FGF2: variants seen among roughly 807,000 people sequenced by gnomAD.
FGF2 encodes the protein basic fibroblast growth factor bFGF.
FGF2 carries 13 observed loss-of-function variants against 15.9 expected under a neutral mutation model. The observed-to-expected ratio is 0.82, with a 90% CI of 0.53 to 1.30. FGF2 has a LOEUF of 1.30. Ranked by LOEUF, FGF2 falls within the 50% of genes most tolerant of loss-of-function variation. The probability of loss-of-function intolerance (pLI) is 0.00; values close to 1 mark genes in which losing one functional copy is unlikely to be tolerated. For synonymous variants in FGF2, 90 were observed against 78.4 expected, an observed-to-expected ratio of 1.15 and a Z score of -0.78; for missense variants, 163 against 196.9, an observed-to-expected ratio of 0.83 and a Z score of 1.03.
rs971704996 is a variant in FGF2 at position 122,895,829 on chromosome 4, A to G, written c.*3433A>G. ...GGGTTTACTGTTTGAGCCAATATAA[A>G]TGTTTAACTGTTTGTGATGGCAGTA... On this transcript the variant is annotated 3_prime_UTR_variant, in exon 3 of 3. Coordinates refer to ENST00000644866, the MANE Select transcript of FGF2 (RefSeq NM_001361665.2). The G allele has an allele frequency of 2.6e-5, 4 of 152,218 alleles. No homozygotes were observed. Among genetic ancestry groups the G allele is most frequent in the African/African-American group, 2.4e-5 (1 of 41,458 alleles). 9.4% of individuals were successfully genotyped at this position (152,218 alleles called of 1,614,324 possible).
At chr4:122,838,321 C>G (rs1472175428) in intron 1 of FGF2, among the ~76,000 whole-genome samples, 1 of 152,174 alleles carries the variant, frequency 6.6e-6, no homozygotes, top group African/African-American at 2.4e-5. Flanking sequence ...TACCACTGCA[C>G]TATGTTCCTA....
At chr4:122,882,978 T>TA (rs1726990043) in intron 2 of FGF2, 2 of 152,230 alleles carry the variant, frequency 1.3e-5, no homozygotes, top group African/African-American at 4.8e-5. Flanking sequence ...CCATAGACAT[T>TA]AAACTGTCAA....
intron 2 of FGF2, among the ~76,000 whole-genome samples, chr4:122,881,505 C>T (rs1229177212): frequency 6.6e-6 from 1 of 152,204 alleles, no homozygotes; most frequent in Non-Finnish European, 1.5e-5. Flanking sequence ...CAAAGTTCCA[C>T]AAATCTCTAG....
intron 1 of FGF2, among the ~76,000 whole-genome samples, chr4:122,839,495 A>T (rs1372629004): frequency 6.6e-6 from 1 of 152,242 alleles, no homozygotes; most frequent in Admixed American, 6.5e-5. Context: ...ACCAAGATAG[A>T]TAAAGAGATA....
chr4:122,894,578 C>G lies in FGF2; in HGVS notation c.*2182C>G, dbSNP rs1488910067. 6.6e-6 allele frequency: 1 copy of G among 152,012 alleles called. No homozygotes were observed. Among genetic ancestry groups the G allele is most frequent in the Admixed American group, 6.5e-5 (1 of 15,272 alleles). 9.4% of individuals were successfully genotyped at this position (152,012 alleles called of 1,614,324 possible). Reference sequence around the variant, plus strand: ...GTCCAGCCTAGGCAACAGAGTGAGACTTTGTCTCAAAAAAAGAGAAATTTT... The same window carrying G: ...GTCCAGCCTAGGCAACAGAGTGAGAGTTTGTCTCAAAAAAAGAGAAATTTT... On this transcript the variant is annotated 3_prime_UTR_variant, in exon 3 of 3. Transcript: ENST00000644866.
At chr4:122,872,847 G>A (rs1375239688) in intron 1 of FGF2, among the ~76,000 whole-genome samples, 1 of 152,088 alleles carries the variant, frequency 6.6e-6, no homozygotes. Flanking sequence ...TCACCACCAG[G>A]CCTGCCTTAC....
chr4:122,855,735 C>G (rs1235290636), intron 1 of FGF2, among the ~76,000 whole-genome samples: 2 of 152,146 alleles, frequency 1.3e-5, no homozygotes, highest in African/African-American at 4.8e-5. Flanking sequence ...TGTCAGGTGA[C>G]CAAATGTTCT....
At chr4:122,875,209 G>T (rs996106783) in intron 1 of FGF2, among the ~76,000 whole-genome samples, 1 of 151,736 alleles carries the variant, frequency 6.6e-6, no homozygotes, top group African/African-American at 2.4e-5. Context: ...AATTAATTAG[G>T]TAATTATTTG....
chr4:122,897,412 C>T lies in FGF2; in HGVS notation c.*5016C>T, dbSNP rs995659823. On this transcript the variant is annotated 3_prime_UTR_variant, in exon 3 of 3. Coordinates refer to ENST00000644866, the MANE Select transcript of FGF2 (RefSeq NM_001361665.2). ...TAAACAGAAGAATAGGTGGTATGTT[C>T]CTAATGATATTATTTCTACTAATGG... 1 of 567,848 alleles carries T rather than the reference C, an allele frequency of 1.8e-6. No individual in the cohort carries two copies. The highest frequency in any genetic ancestry group is 1.9e-5 in the African/African-American group (1 of 52,884). The allele number at this position is 567,848 out of a possible 1,614,324, so 35.2% of individuals were successfully genotyped here.
intron 1 of FGF2, among the ~76,000 whole-genome samples, chr4:122,851,750 CCTTT>C (rs1421094143): frequency 3.3e-5 from 5 of 151,998 alleles, no homozygotes; most frequent in African/African-American, 9.7e-5. Context: ...TAGCCTCAGC[CCTTT>C]CTTTCTTTCT....
In FGF2 at chr4:122,893,463, G is replaced by A; in HGVS notation, c.*1067G>A. 1 of 394,856 alleles carries A rather than the reference G, an allele frequency of 2.5e-6. No homozygotes were observed. Among genetic ancestry groups the A allele is most frequent in the Non-Finnish European group, 4.5e-6 (1 of 224,646 alleles). The allele number at this position is 394,856 out of a possible 1,614,324, so 24.5% of individuals were successfully genotyped here. On this transcript the variant is annotated 3_prime_UTR_variant, in exon 3 of 3. Transcript: ENST00000644866. ...AATATTTCTTTGGCTGCTACTTGGA[G>A]GCTTATCTACCTGTACATTTTTGGG...
rs749632195 is a variant in FGF2, at chr4:122,893,087, G to T, written c.*691G>T. 6.2e-7 allele frequency: 1 copy of T among 1,614,126 alleles called. No individual in the cohort carries two copies. Among genetic ancestry groups the T allele is most frequent in the Admixed American group, 1.7e-5 (1 of 60,016 alleles). Reference sequence around the variant, plus strand: ...GCAAAAATTTATGGTGAATGAATATGGCTTTAGGCGGCAGATGATATACAT... The same window carrying T: ...GCAAAAATTTATGGTGAATGAATATTGCTTTAGGCGGCAGATGATATACAT... On this transcript the variant is annotated 3_prime_UTR_variant, in exon 3 of 3. Coordinates refer to ENST00000644866, the MANE Select transcript of FGF2 (RefSeq NM_001361665.2).
intron 2 of FGF2, among the ~76,000 whole-genome samples, chr4:122,891,970 G>C (rs1043391588): frequency 6.6e-6 from 1 of 152,090 alleles, no homozygotes; most frequent in Non-Finnish European, 1.5e-5. Flanking sequence ...AACTCCTACT[G>C]AAGAGACATA....
chr4:122,852,385 A>G (rs1182836285), intron 1 of FGF2, among the ~76,000 whole-genome samples: 1 of 152,336 alleles, frequency 6.6e-6, no homozygotes, highest in African/African-American at 2.4e-5. Flanking sequence ...TCAAGAGGAA[A>G]GGGTTCCAAG....
intron 1 of FGF2, among the ~76,000 whole-genome samples, chr4:122,829,346 C>T (rs2150759625): frequency 6.6e-6 from 1 of 152,206 alleles, no homozygotes; most frequent in South Asian, 2.1e-4. Context: ...TGGAAGGGTG[C>T]TACTGGCATC....
chr4:122,853,876 G>A (rs759699872), intron 1 of FGF2, among the ~76,000 whole-genome samples: 9 of 152,112 alleles, frequency 5.9e-5, no homozygotes, highest in African/African-American at 1.9e-4. Flanking sequence ...AAGAATGAAC[G>A]TTCTTATATA....
chr4:122,868,195 G>A (rs538457787), intron 1 of FGF2, among the ~76,000 whole-genome samples: 2 of 152,178 alleles, frequency 1.3e-5, no homozygotes, highest in Admixed American at 1.3e-4. Context: ...TACATATGCA[G>A]AACGTGCACA....
chr4:122,864,089 A>G (rs1305738333), intron 1 of FGF2, among the ~76,000 whole-genome samples: 1 of 152,158 alleles, frequency 6.6e-6, no homozygotes, highest in African/African-American at 2.4e-5. Flanking sequence ...TGTTTCATTG[A>G]ATTACTGGGG....
chr4:122,850,917 C>T (rs540057459), intron 1 of FGF2, among the ~76,000 whole-genome samples: 10 of 152,222 alleles, frequency 6.6e-5, no homozygotes, highest in South Asian at 2.1e-4. Context: ...GCTTTTATGA[C>T]GCTTAGAAAA....
Sources: gnomAD v4.1 joint callset for allele counts (sites outside exome capture counted in the v4.1 genomes callset) on GRCh38, gnomAD v4.1.1 for gene constraint, MANE v1.5 for transcripts, NCBI Gene and HGNC (gene_info 2026-07-23, HGNC 2026-07-21) for gene names.